The following CEP85 variants were observed in gnomAD, a reference collection of about 807,000 sequenced individuals.
The protein encoded by CEP85 is centrosomal protein 85.
In CEP85, 58 loss-of-function variants were observed where a neutral mutation model predicts 93.7. The observed-to-expected ratio is 0.62, with a 90% CI of 0.50 to 0.77. CEP85 has a LOEUF of 0.77. Ranked by LOEUF, CEP85 falls within the 30% of genes least tolerant of loss-of-function variation. The pLI is 0.00. For synonymous variants in CEP85, 314 were observed against 338.6 expected, an observed-to-expected ratio of 0.93 and a Z score of 0.80; for missense variants, 868 against 922.0, an observed-to-expected ratio of 0.94 and a Z score of 0.76.
Position 26,255,403 on chromosome 1 carries a change from T to G in CEP85, c.441T>G (p.Asp147Glu). 6.2e-7 allele frequency: 1 copy of G among 1,614,018 alleles called. No individual in the cohort carries two copies. Among genetic ancestry groups the G allele is most frequent in the Non-Finnish European group, 8.5e-7 (1 of 1,180,000 alleles). Residue 147 changes from aspartate (D) to glutamate (E), a missense_variant, in exon 4 of 14, where the codon GAT becomes GAG. Transcript: ENST00000451429. ...AMKHSPGLSR[D>E]LMYFSGATGE... is the part of the protein sequence containing the mutation. Reference sequence around the variant, plus strand: ...AACATTCTCCAGGCCTATCTAGAGATCTCATGTATTTCTCTGGTGCTACTG... The same window carrying G: ...AACATTCTCCAGGCCTATCTAGAGAGCTCATGTATTTCTCTGGTGCTACTG...
intron 2 of CEP85, among the ~76,000 whole-genome samples, chr1:26,243,482 T>C (rs1385824732): frequency 1.3e-5 from 2 of 152,138 alleles, no homozygotes; most frequent in Non-Finnish European, 2.9e-5. Flanking sequence ...CAGAAAGAAC[T>C]GGATTCAAAT....
intron 9 of CEP85, among the ~76,000 whole-genome samples, chr1:26,270,346 C>T (rs2089956893): frequency 6.6e-6 from 1 of 152,118 alleles, no homozygotes; most frequent in Admixed American, 6.6e-5. Context: ...GGATTGTTCT[C>T]CATTGCCATG....
chr1:26,278,767 G>A lies in CEP85; in HGVS notation c.*1474G>A, dbSNP rs905704133. 6.6e-6 allele frequency: 1 copy of A among 152,476 alleles called. No individual in the cohort carries two copies. The allele number at this position is 152,476 out of a possible 1,614,324, so 9.4% of individuals were successfully genotyped here. A position where few individuals can be genotyped will look rare whatever the true frequency, so the allele number is the denominator to read the frequency against. On this transcript the variant is annotated 3_prime_UTR_variant, in exon 14 of 14. Transcript: ENST00000451429. Reference sequence around the variant, plus strand: ...GAATCTTTGTTATGTCCATTTGTTTGTATTGCGTATTTTGATTATAAAATA... The same window carrying A: ...GAATCTTTGTTATGTCCATTTGTTTATATTGCGTATTTTGATTATAAAATA...
At chr1:26,260,794 CTTT>C (rs200013295) in intron 7 of CEP85, among the ~76,000 whole-genome samples, 2 of 141,372 alleles carry the variant, frequency 1.4e-5, no homozygotes. Flanking sequence ...TCCTGCCTTT[CTTT>C]TTTTTTTTTT....
chr1:26,271,763 C>T (rs1295590153), intron 10 of CEP85: 7 of 454,992 alleles, frequency 1.5e-5, no homozygotes, highest in Non-Finnish European at 2.8e-5. Flanking sequence ...GGTGAGAGTT[C>T]CCTTTCCCCC....
chr1:26,247,996 T>C (rs938530588), intron 3 of CEP85, among the ~76,000 whole-genome samples: 6 of 152,142 alleles, frequency 3.9e-5, no homozygotes, highest in Non-Finnish European at 7.4e-5. Flanking sequence ...CAACTATGTG[T>C]ATAATGGGGA....
chr1:26,265,440 T>C (rs1041726058), intron 7 of CEP85, among the ~76,000 whole-genome samples: 6 of 152,146 alleles, frequency 3.9e-5, no homozygotes, highest in Non-Finnish European at 7.4e-5. Context: ...TTTTTACTTA[T>C]ACTTGTTTTC....
chr1:26,274,931 T>C (rs1557670380), intron 11 of CEP85, 33 bp from the exon 12 acceptor site: 1 of 1,523,782 alleles, frequency 6.6e-7, no homozygotes, highest in Admixed American at 2.0e-5. Context: ...TTACCCCTAC[T>C]GTGTTCCCTC....
Position 26,269,782 on chromosome 1 carries a change from C to CTTTTTTT in CEP85, c.1649+184_1649+190dup, listed in dbSNP as rs748230113. ...TAGGAAAGCTGCTTATGGGAAGCGG[C>CTTTTTTT]TTTTTTTTTTTTTTTTTTTTTTGAG... On this transcript the variant is annotated intron_variant, in intron 9 of 13. Coordinates refer to ENST00000451429, the MANE Select transcript of CEP85 (RefSeq NM_001319944.2). Among the ~76,000 whole-genome samples the CTTTTTTT allele has an allele frequency of 6.6e-4, 56 of 84,722 alleles. 3 individuals carry two copies. The highest frequency in any genetic ancestry group is 8.8e-4 in the African/African-American group (19 of 21,644). The allele number at this position is 84,722 out of a possible 152,430, so 55.6% of individuals were successfully genotyped here. A position where few individuals can be genotyped will look rare whatever the true frequency, so the allele number is the denominator to read the frequency against.
rs185819636 is a variant in CEP85, at chr1:26,259,847, G to A, written c.1341+45G>A. 31 of 1,516,620 alleles carry A rather than the reference G, an allele frequency of 2.0e-5. No individual in the cohort carries two copies. The African/African-American group carries it at 3.5e-4, about 17-fold the overall frequency. The allele number at this position is 1,516,620 out of a possible 1,614,324, so 93.9% of individuals were successfully genotyped here. On this transcript the variant is annotated intron_variant, in intron 7 of 13. Coordinates refer to ENST00000451429, the MANE Select transcript of CEP85 (RefSeq NM_001319944.2). The stretch of plus-strand genomic sequence containing the variant: ...GCCCTAGTTCACAAAGGAGTTGGCA[G>A]TCAGCTGTCTACTCTAAAGCCTAAG...
chr1:26,241,970 C>G (rs2089434670), intron 2 of CEP85, among the ~76,000 whole-genome samples: 3 of 151,924 alleles, frequency 2.0e-5, no homozygotes, highest in Admixed American at 6.6e-5. Context: ...GCCATATGCC[C>G]AGGCTGGTCT....
At chr1:26,251,968 C>T (rs534116355) in intron 3 of CEP85, among the ~76,000 whole-genome samples, 1 of 152,292 alleles carries the variant, frequency 6.6e-6, no homozygotes, top group African/African-American at 2.4e-5. Flanking sequence ...CACGGTGGCT[C>T]ATCCCTGTAA....
intron 4 of CEP85, among the ~76,000 whole-genome samples, chr1:26,256,899 A>G: frequency 1.2e-5 from 1 of 84,928 alleles, no homozygotes; most frequent in Admixed American, 1.1e-4. Context: ...GCCTGCCTGT[A>G]TTTTCCTTTT....
chr1:26,271,632 A>C (rs961830777), intron 10 of CEP85: 11 of 212,696 alleles, frequency 5.2e-5, no homozygotes, highest in Non-Finnish European at 9.5e-5. Flanking sequence ...AACAACAACC[A>C]TCATAGTGCT....
At chr1:26,274,403 C>G (rs1232465978) in intron 11 of CEP85, among the ~76,000 whole-genome samples, 4 of 152,184 alleles carry the variant, frequency 2.6e-5, no homozygotes, top group African/African-American at 9.7e-5. Flanking sequence ...TCCCTGCCCT[C>G]AAGAAAGTTA....
intron 13 of CEP85, 149 bp from the exon 14 acceptor site, chr1:26,276,984 TCAG>T: frequency 1.1e-6 from 1 of 925,884 alleles, no homozygotes; most frequent in Non-Finnish European, 1.7e-6. Flanking sequence ...AAGTGGACCT[TCAG>T]CAGCAAATTA....
intron 1 of CEP85, among the ~76,000 whole-genome samples, chr1:26,236,318 A>G (rs529954754): frequency 6.6e-6 from 1 of 152,290 alleles, no homozygotes; most frequent in African/African-American, 2.4e-5. Flanking sequence ...TGCAGAATGC[A>G]TGTTAAATTT....
intron 1 of CEP85, among the ~76,000 whole-genome samples, chr1:26,235,617 G>C (rs746538505): frequency 1.6e-5 from 2 of 123,426 alleles, no homozygotes; most frequent in Non-Finnish European, 3.2e-5. Context: ...TTGTTGCCCA[G>C]GCTGGAGTGC....
intron 12 of CEP85, 86 bp from the exon 13 acceptor site, chr1:26,276,449 A>G: frequency 9.4e-7 from 1 of 1,065,644 alleles, no homozygotes; most frequent in African/African-American, 1.6e-5. Flanking sequence ...TGACTCACCC[A>G]TCCCTTCCAC....
Sources: allele counts gnomAD v4.1 joint callset (sites outside exome capture counted in the v4.1 genomes callset), GRCh38; gene constraint gnomAD v4.1.1; transcripts MANE v1.5; gene names NCBI Gene and HGNC (gene_info 2026-07-23, HGNC 2026-07-21).